SLC1A1: variants seen among roughly 807,000 people sequenced by gnomAD.
SLC1A1 encodes solute carrier family 1 member 1.
Under a neutral mutation model 53.3 loss-of-function variants are expected in SLC1A1, and 43 were observed. The observed-to-expected ratio is 0.81, with a 90% CI of 0.63 to 1.04. The LOEUF (loss-of-function observed/expected upper bound fraction) is 1.04, where lower values mean the gene tolerates loss of function less well. SLC1A1 is among the 50% of genes least tolerant of loss of function. SLC1A1 has a pLI of 0.00. For missense variants in SLC1A1, 748 were observed against 664.9 expected (o/e 1.12, Z -1.37); for synonymous variants, 307 against 243.2 (o/e 1.26, Z -2.44).
chr9:4,541,817 G>A (rs1817035974), intron 1 of SLC1A1, among the ~76,000 whole-genome samples: 1 of 152,178 alleles, frequency 6.6e-6, no homozygotes, highest in African/African-American at 2.4e-5. Context: ...CGTACTCCCA[G>A]AAGGGCAGTT....
chr9:4,566,184 C>T (rs1351590637), intron 5 of SLC1A1, 95 bp downstream of exon 5: 21 of 1,140,114 alleles, frequency 1.8e-5, no homozygotes, highest in East Asian at 1.6e-4. Flanking sequence ...ATGGAATTAG[C>T]CCCGTGAAAA....
At chr9:4,503,636 A>G (rs1820707115) in intron 1 of SLC1A1, among the ~76,000 whole-genome samples, 2 of 151,882 alleles carry the variant, frequency 1.3e-5, no homozygotes, top group African/African-American at 4.9e-5. Context: ...GATACACATA[A>G]GGAGGGCTTA....
chr9:4,532,395 C>A (rs1248410337), intron 1 of SLC1A1, among the ~76,000 whole-genome samples: 1 of 152,078 alleles, frequency 6.6e-6, no homozygotes, highest in African/African-American at 2.4e-5. Flanking sequence ...AAAACCAAGG[C>A]ACGAGAACTA....
intron 2 of SLC1A1, among the ~76,000 whole-genome samples, chr9:4,546,169 G>C (rs1019706451): frequency 1.3e-5 from 2 of 152,172 alleles, no homozygotes; most frequent in African/African-American, 4.8e-5. Flanking sequence ...AATTAGACTA[G>C]AGTCCCTTGG....
chr9:4,507,981 A>C (rs1332127531), intron 1 of SLC1A1, among the ~76,000 whole-genome samples: 2 of 152,140 alleles, frequency 1.3e-5, no homozygotes, highest in South Asian at 4.1e-4. Flanking sequence ...TGTTAGTTAA[A>C]GTGGAGGAAA....
intron 1 of SLC1A1, among the ~76,000 whole-genome samples, chr9:4,511,413 C>A (rs747155441): frequency 2.6e-5 from 4 of 152,116 alleles, no homozygotes; most frequent in African/African-American, 9.7e-5. Context: ...TCTCCCCTCA[C>A]GACCTAATCA....
At chr9:4,539,276 C>A (rs558214389) in intron 1 of SLC1A1, among the ~76,000 whole-genome samples, 22 of 152,040 alleles carry the variant, frequency 1.4e-4, no homozygotes, top group African/African-American at 4.8e-4. Flanking sequence ...CTGGAAAAAA[C>A]GAGAGAGGGA....
intron 1 of SLC1A1, among the ~76,000 whole-genome samples, chr9:4,534,094 A>T (rs1203037772): frequency 6.6e-6 from 1 of 152,204 alleles, no homozygotes; most frequent in African/African-American, 2.4e-5. Flanking sequence ...CTAAATGCCC[A>T]CAACAGAAAG....
intron 5 of SLC1A1, among the ~76,000 whole-genome samples, chr9:4,567,423 G>A (rs1052037185): frequency 4.6e-5 from 7 of 152,158 alleles, no homozygotes; most frequent in Non-Finnish European, 8.8e-5. Flanking sequence ...TATTGTGAAA[G>A]TGAAGGAACA....
chr9:4,539,045 T>A (rs1051713731), intron 1 of SLC1A1, among the ~76,000 whole-genome samples: 2 of 152,082 alleles, frequency 1.3e-5, no homozygotes, highest in Non-Finnish European at 2.9e-5. Flanking sequence ...TTGCCAGTAA[T>A]TCTTATTTAA....
intron 1 of SLC1A1, among the ~76,000 whole-genome samples, chr9:4,527,916 C>T (rs143422852): frequency 2.0e-5 from 3 of 152,220 alleles, no homozygotes; most frequent in East Asian, 1.9e-4. Flanking sequence ...ACCAGGAGCA[C>T]ATCAGAAGAC....
intron 10 of SLC1A1, among the ~76,000 whole-genome samples, chr9:4,578,035 C>A (rs188719348): frequency 6.6e-6 from 1 of 152,144 alleles, no homozygotes; most frequent in Admixed American, 6.5e-5. Context: ...AGAACAGGAA[C>A]GAGTGTAAGA....
chr9:4,572,228 G>T lies in SLC1A1; in HGVS notation c.607G>T (p.Val203Phe), dbSNP rs201252659. Reference protein sequence around the residue: ...SKNKTKEYKIVGMYSDGINVL... With the variant: ...SKNKTKEYKIFGMYSDGINVL... ...GAACAAAACAAAGGAATACAAAATT[G>T]TTGGCATGTATTCAGATGGCATAAA... is the stretch of plus-strand genomic sequence containing the variant. Residue 203 changes from valine (V) to phenylalanine (F), a missense_variant, in exon 7 of 12, where the codon GTT becomes TTT. Transcript: ENST00000262352. 20 of 1,613,460 alleles carry T rather than the reference G, an allele frequency of 1.2e-5. No homozygotes were observed. The highest frequency in any genetic ancestry group is 1.2e-4 in the Admixed American group (7 of 60,008).
intron 1 of SLC1A1, among the ~76,000 whole-genome samples, chr9:4,512,604 C>A (rs1821034793): frequency 6.6e-6 from 1 of 152,046 alleles, no homozygotes; most frequent in Non-Finnish European, 1.5e-5. Context: ...GAGGAATCAT[C>A]CTATCTTATT....
At chr9:4,502,389 GAAAAAAA>G (rs775499017) in intron 1 of SLC1A1, among the ~76,000 whole-genome samples, 4 of 56,490 alleles carry the variant, frequency 7.1e-5, no homozygotes, top group Non-Finnish European at 1.2e-4. Context: ...CCTGTCTCCA[GAAAAAAA>G]AAAAAAAAAA....
At chr9:4,539,078 A>ACTG (rs57519277) in intron 1 of SLC1A1, among the ~76,000 whole-genome samples, 20,815 of 152,226 alleles carry the variant, frequency 0.14, 1,668 homozygotes, top group African/African-American at 0.21. Context: ...TAATTTACAT[A>ACTG]GAGAACTACT....
At chr9:4,570,953 T>C (rs114290065) in intron 6 of SLC1A1, among the ~76,000 whole-genome samples, 3,347 of 151,322 alleles carry the variant, frequency 0.022, 73 homozygotes, top group African/African-American at 0.052. Flanking sequence ...TTCACAGTAG[T>C]AGGTATTTGG....
At chr9:4,567,486 TC>T (rs1471222459) in intron 5 of SLC1A1, among the ~76,000 whole-genome samples, 182 bp from the exon 6 acceptor site, 1 of 152,150 alleles carries the variant, frequency 6.6e-6, no homozygotes, top group Non-Finnish European at 1.5e-5. Flanking sequence ...AATTTCTGCC[TC>T]GCTTTTAGTT....
intron 1 of SLC1A1, among the ~76,000 whole-genome samples, chr9:4,506,396 C>A (rs1237464554): frequency 6.6e-6 from 1 of 152,094 alleles, no homozygotes. Flanking sequence ...GTGGAAAAGG[C>A]CTGAAATATG....
Sources: allele counts gnomAD v4.1 joint callset (sites outside exome capture counted in the v4.1 genomes callset), GRCh38; gene constraint gnomAD v4.1.1; transcripts MANE v1.5; gene names NCBI Gene and HGNC (gene_info 2026-07-23, HGNC 2026-07-21).